SAMD12: variants seen among roughly 807,000 people sequenced by gnomAD.
SAMD12 encodes sterile alpha motif domain containing 12, also known as sterile alpha motif domain-containing protein 12.
Under a neutral mutation model 15.0 loss-of-function variants are expected in SAMD12, and 9 were observed. The observed-to-expected ratio is 0.60, with a 90% confidence interval of 0.36 to 1.05. The LOEUF (loss-of-function observed/expected upper bound fraction) is 1.05. Ranked by LOEUF, SAMD12 falls within the 50% of genes least tolerant of loss-of-function variation. The pLI is 0.01. For missense variants in SAMD12, 230 were observed against 234.2 expected (o/e 0.98, Z 0.12); for synonymous variants, 86 against 90.1 (o/e 0.96, Z 0.25).
At chr8:118,488,580 C>T (rs79444197) in intron 2 of SAMD12, among the ~76,000 whole-genome samples, 9,912 of 152,194 alleles carry the variant, frequency 0.065, 505 homozygotes, top group East Asian at 0.28. Context: ...TCTGGTACCT[C>T]TCTTAGTTTT....
chr8:118,543,231 C>G (rs1172546686), intron 2 of SAMD12, among the ~76,000 whole-genome samples: 2 of 152,116 alleles, frequency 1.3e-5, no homozygotes, highest in Non-Finnish European at 2.9e-5. Context: ...TGGACATTCC[C>G]CAGAGTATGT....
chr8:118,253,564 C>A (rs561513742), intron 4 of SAMD12, among the ~76,000 whole-genome samples: 1 of 152,140 alleles, frequency 6.6e-6, no homozygotes, highest in Non-Finnish European at 1.5e-5. Context: ...TCTTTAGTAT[C>A]AATGCTGACA....
intron 4 of SAMD12, among the ~76,000 whole-genome samples, chr8:118,308,486 T>C (rs1815456643): frequency 6.6e-6 from 1 of 152,146 alleles, no homozygotes; most frequent in Non-Finnish European, 1.5e-5. Flanking sequence ...ATTTCAGAAA[T>C]TAAGTAATTG....
chr8:118,562,610 T>A (rs957553779), intron 2 of SAMD12, among the ~76,000 whole-genome samples: 1 of 152,106 alleles, frequency 6.6e-6, no homozygotes. Context: ...GGAATGATGA[T>A]GAAAAAACAT....
chr8:118,254,758 C>T (rs972869677), intron 4 of SAMD12, among the ~76,000 whole-genome samples: 3 of 152,036 alleles, frequency 2.0e-5, no homozygotes, highest in African/African-American at 7.2e-5. Flanking sequence ...CTTGTCCCTC[C>T]TTGATCTCCT....
At chr8:118,215,554 G>A (rs867533264) in intron 4 of SAMD12, among the ~76,000 whole-genome samples, 8 of 151,840 alleles carry the variant, frequency 5.3e-5, no homozygotes, top group Admixed American at 2.6e-4. Context: ...ATGGTGGTGC[G>A]CTGGACCCAC....
intron 1 of SAMD12, among the ~76,000 whole-genome samples, chr8:118,614,625 C>G (rs147543041): frequency 1.3e-5 from 2 of 152,102 alleles, no homozygotes; most frequent in Non-Finnish European, 2.9e-5. Context: ...CAGGATTTGC[C>G]GAATAGAACA....
At chr8:118,148,445 AAT>A in the SAMD12 span, among the ~76,000 whole-genome samples, 6 of 152,228 alleles carry the variant, frequency 3.9e-5, no homozygotes, top group Admixed American at 3.9e-4. Flanking sequence ...GACATTAACA[AAT>A]ATATATGTTA....
chr8:118,557,620 T>C (rs1048251565), intron 2 of SAMD12, among the ~76,000 whole-genome samples: 27 of 152,248 alleles, frequency 1.8e-4, no homozygotes, highest in African/African-American at 6.5e-4. Context: ...GACTTTTTCA[T>C]GTAGCTAATA....
intron 2 of SAMD12, among the ~76,000 whole-genome samples, chr8:118,565,233 A>G (rs765844792): frequency 2.6e-5 from 4 of 152,324 alleles, no homozygotes; most frequent in South Asian, 2.1e-4. Context: ...TACGAAATGC[A>G]TTGGACTCCT....
intron 3 of SAMD12, among the ~76,000 whole-genome samples, chr8:118,421,206 T>C (rs1233081385): frequency 6.6e-6 from 1 of 152,230 alleles, no homozygotes; most frequent in East Asian, 1.9e-4. Flanking sequence ...AATGATTTAA[T>C]ACATAAATGG....
intron 2 of SAMD12, among the ~76,000 whole-genome samples, chr8:118,537,989 T>C (rs1563570248): frequency 6.6e-6 from 1 of 152,232 alleles, no homozygotes. Flanking sequence ...ATCTAAGTTT[T>C]GGATCATTGC....
chr8:118,193,175 C>CAGTA (rs2129738758), exon 5 of SAMD12: 1 of 152,340 alleles, frequency 6.6e-6, no homozygotes, highest in East Asian at 1.9e-4. Flanking sequence ...AGAAGGCCAT[C>CAGTA]AGTACTGTTA....
chr8:118,417,634 T>C (rs1401564535), intron 3 of SAMD12, among the ~76,000 whole-genome samples: 1 of 152,104 alleles, frequency 6.6e-6, no homozygotes, highest in Non-Finnish European at 1.5e-5. Context: ...AATGATAAAA[T>C]ATTCAGTAAG....
intron 4 of SAMD12, among the ~76,000 whole-genome samples, chr8:118,221,130 G>T (rs1255602978): frequency 6.6e-6 from 1 of 152,074 alleles, no homozygotes; most frequent in Non-Finnish European, 1.5e-5. Context: ...AAATATTTTT[G>T]TCTCGTCTAT....
At chr8:118,191,758 A>ACTCTCTCTCTCTCTCTCTCTCTCTCTC (rs1563686316) in exon 5 of SAMD12, 1 of 6,452 alleles carries the variant, frequency 1.5e-4, no homozygotes, top group African/African-American at 5.5e-4. Context: ...ACTGGAGATT[A>ACTCTCTCTCTCTCTCTCTCTCTCTCTC]TATATATATA....
intron 2 of SAMD12, among the ~76,000 whole-genome samples, chr8:118,447,873 C>T (rs1241258879): frequency 6.6e-6 from 1 of 151,724 alleles, no homozygotes; most frequent in Non-Finnish European, 1.5e-5. Flanking sequence ...CTACAGGAGC[C>T]CGCCACCATG....
At chr8:118,543,139 A>G (rs1826030723) in intron 2 of SAMD12, among the ~76,000 whole-genome samples, 1 of 152,210 alleles carries the variant, frequency 6.6e-6, no homozygotes, top group Non-Finnish European at 1.5e-5. Flanking sequence ...TTCTAAGAGG[A>G]TGGGAGGAAA....
chr8:118,249,462 GT>G (rs2130005950), intron 4 of SAMD12, among the ~76,000 whole-genome samples: 2 of 152,246 alleles, frequency 1.3e-5, no homozygotes, highest in South Asian at 4.1e-4. Flanking sequence ...ATTTGTGGAA[GT>G]TTTTTCCCAA....
Sources: gnomAD v4.1 joint callset for allele counts (sites outside exome capture counted in the v4.1 genomes callset) on GRCh38, gnomAD v4.1.1 for gene constraint, MANE v1.5 for transcripts, NCBI Gene and HGNC (gene_info 2026-07-23, HGNC 2026-07-21) for gene names.